CDH2: variants seen among roughly 807,000 people sequenced by gnomAD.
CDH2 encodes cadherin-2.
A neutral mutation model predicts 92.0 loss-of-function variants in CDH2; 17 were observed. That is an observed-to-expected ratio of 0.18 (90% CI 0.13 to 0.28). The LOEUF (loss-of-function observed/expected upper bound fraction) is 0.28, where lower values mean the gene tolerates loss of function less well. CDH2 is among the 10% of genes least tolerant of loss of function. CDH2 has a pLI of 1.00. For synonymous variants in CDH2, 419 were observed against 415.9 expected (o/e 1.01, Z -0.09); for missense variants, 862 against 1,133.1 (o/e 0.76, Z 3.44).
rs1213481967 is a variant in CDH2, at chr18:28,101,983, G to GA, written c.172+45689dup. ...TTCCTATTTCTCAAATTGCTCAAGA[G>GA]AAAAAAAACGAGGAATGTGCTGGTT... On this transcript the variant is annotated intron_variant, in intron 2 of 15. Coordinates refer to ENST00000269141, the MANE Select transcript of CDH2 (RefSeq NM_001792.5). Among the ~76,000 whole-genome samples, 29 of 151,660 alleles carry GA rather than the reference G, an allele frequency of 1.9e-4. No individual in the cohort carries two copies. The South Asian group carries it at 4.6e-3, about 24-fold the overall frequency.
intron 3 of CDH2, among the ~76,000 whole-genome samples, chr18:28,013,478 T>C (rs1396964455): frequency 1.3e-5 from 2 of 152,206 alleles, no homozygotes; most frequent in African/African-American, 4.8e-5. Context: ...ATCTTTAAAA[T>C]ACAATTTCTA....
At position 27,963,316 on chromosome 18, in the gene CDH2, A is replaced by C. The variant is rs770762214; in HGVS notation, c.2514+41T>G. The stretch of plus-strand genomic sequence containing the variant: ...CTACAGAGATCTAACCATTAGCATG[A>C]AATGAAAACTCTTATAGAGAAAACG... On this transcript the variant is annotated intron_variant, in intron 15 of 15. Coordinates refer to ENST00000269141, the MANE Select transcript of CDH2 (RefSeq NM_001792.5). 20 of 1,591,834 alleles carry C rather than the reference A, an allele frequency of 1.3e-5. No homozygotes were observed. The East Asian group carries it at 4.5e-4, about 36-fold the overall frequency.
At chr18:28,050,995 AC>A (rs2014179835) in intron 2 of CDH2, among the ~76,000 whole-genome samples, 1 of 152,222 alleles carries the variant, frequency 6.6e-6, no homozygotes, top group Non-Finnish European at 1.5e-5. Flanking sequence ...CATATTCCTA[AC>A]TAATCCATGT....
At chr18:28,012,505 T>A (rs961628640) in intron 3 of CDH2, among the ~76,000 whole-genome samples, 1 of 152,230 alleles carries the variant, frequency 6.6e-6, no homozygotes, top group Non-Finnish European at 1.5e-5. Flanking sequence ...TCAGCCATGA[T>A]GGATGCTGCA....
intron 5 of CDH2, among the ~76,000 whole-genome samples, chr18:28,008,789 A>G (rs1163696143): frequency 6.6e-6 from 1 of 152,174 alleles, no homozygotes; most frequent in Non-Finnish European, 1.5e-5. Context: ...AAGTTGGTAA[A>G]AGTACAAGAA....
At chr18:28,050,104 C>G (rs1250598761) in intron 2 of CDH2, among the ~76,000 whole-genome samples, 1 of 152,112 alleles carries the variant, frequency 6.6e-6, no homozygotes, top group African/African-American at 2.4e-5. Context: ...ATAAGCTGAG[C>G]CCCACTTGGC....
chr18:28,126,075 T>A (rs1598492751), intron 2 of CDH2, among the ~76,000 whole-genome samples: 1 of 152,298 alleles, frequency 6.6e-6, no homozygotes, highest in South Asian at 2.1e-4. Flanking sequence ...TTAATAAAAA[T>A]GAGATTGTTA....
At chr18:28,138,577 C>A (rs1229277906) in intron 2 of CDH2, among the ~76,000 whole-genome samples, 3 of 152,064 alleles carry the variant, frequency 2.0e-5, no homozygotes, top group South Asian at 2.1e-4. Context: ...GTTTAGCCTG[C>A]AGCAGAGGAG....
chr18:28,114,436 T>A (rs2015462036), intron 2 of CDH2, among the ~76,000 whole-genome samples: 1 of 152,198 alleles, frequency 6.6e-6, no homozygotes, highest in Middle Eastern at 3.4e-3. Context: ...TTTCTATTGG[T>A]CCTCATATAA....
chr18:28,060,225 T>C (rs1408759929), intron 2 of CDH2, among the ~76,000 whole-genome samples: 1 of 152,138 alleles, frequency 6.6e-6, no homozygotes, highest in East Asian at 1.9e-4. Flanking sequence ...CTCACTCTTT[T>C]GCCCAATCTG....
chr18:28,052,193 A>G (rs2014205768), intron 2 of CDH2, among the ~76,000 whole-genome samples: 1 of 152,228 alleles, frequency 6.6e-6, no homozygotes, highest in Admixed American at 6.5e-5. Context: ...AAAATTAAGA[A>G]ATGAAAAATA....
intron 4 of CDH2, among the ~76,000 whole-genome samples, chr18:28,010,687 G>C (rs1328240241): frequency 6.6e-6 from 1 of 151,316 alleles, no homozygotes; most frequent in African/African-American, 2.4e-5. Flanking sequence ...TTTTGCGGGG[G>C]GGGAAGGAGT....
At chr18:28,150,699 T>C (rs1363502769) in intron 1 of CDH2, among the ~76,000 whole-genome samples, 1 of 152,178 alleles carries the variant, frequency 6.6e-6, no homozygotes, top group Non-Finnish European at 1.5e-5. Flanking sequence ...GAATACTGAC[T>C]ACTAATATTA....
rs34478444 is a variant in CDH2, at chr18:28,156,419, C to T, written c.61-8635G>A. On this transcript the variant is annotated intron_variant, in intron 1 of 15. Transcript: ENST00000269141. Reference sequence around the variant, plus strand: ...GTACAGAATGTCACCTTCCCAGGTACAGAATGTCACCTTCCCAGGTATAGC... The same window carrying T: ...GTACAGAATGTCACCTTCCCAGGTATAGAATGTCACCTTCCCAGGTATAGC... 1.3e-3 allele frequency among the ~76,000 whole-genome samples: 181 copies of T among 142,514 alleles called. 4 individuals are homozygous for T. The highest frequency in any genetic ancestry group is 4.4e-3 in the African/African-American group (171 of 38,554). 93.5% of individuals were successfully genotyped at this position (142,514 alleles called of 152,430 possible).
At chr18:28,135,554 T>A (rs1324711712) in intron 2 of CDH2, among the ~76,000 whole-genome samples, 1 of 152,138 alleles carries the variant, frequency 6.6e-6, no homozygotes, top group African/African-American at 2.4e-5. Context: ...GTTTGAGTAG[T>A]TAGTGTGAGA....
intron 6 of CDH2, among the ~76,000 whole-genome samples, chr18:27,945,380 G>A (rs1402711718): frequency 8.0e-6 from 1 of 125,134 alleles, no homozygotes; most frequent in African/African-American, 3.0e-5. Context: ...TAAGGATATG[G>A]TGATAATAAC....
At chr18:28,161,580 G>GA (rs35615619) in intron 1 of CDH2, among the ~76,000 whole-genome samples, 876 of 49,356 alleles carry the variant, frequency 0.018, 11 homozygotes, top group African/African-American at 0.028. Flanking sequence ...ACCCTGTCTC[G>GA]AAAAAAAAAA....
intron 2 of CDH2, among the ~76,000 whole-genome samples, chr18:28,040,698 T>C (rs1337392517): frequency 6.6e-6 from 1 of 152,142 alleles, no homozygotes; most frequent in Non-Finnish European, 1.5e-5. Context: ...AACCCTTATA[T>C]AGCAAATATT....
At chr18:27,955,369 TAAAAAA>T (rs760993428) in intron 15 of CDH2, among the ~76,000 whole-genome samples, 1 of 31,002 alleles carries the variant, frequency 3.2e-5, no homozygotes, top group East Asian at 6.5e-4. Flanking sequence ...AGTATAATAG[TAAAAAA>T]AAAAAAAAAA....
Sources: allele counts gnomAD v4.1 joint callset (sites outside exome capture counted in the v4.1 genomes callset), GRCh38; gene constraint gnomAD v4.1.1; transcripts MANE v1.5; gene names NCBI Gene and HGNC (gene_info 2026-07-23, HGNC 2026-07-21).